Variants in OTOA observed in about 807,000 individuals in gnomAD.
OTOA encodes the protein cancer/testis antigen 108.
In OTOA, 70 loss-of-function variants were observed where a neutral mutation model predicts 110.8. That is an observed-to-expected ratio of 0.63 (90% CI 0.52 to 0.77). The LOEUF (loss-of-function observed/expected upper bound fraction) is 0.77, where lower values mean the gene tolerates loss of function less well. Among genes scored for constraint, OTOA ranks in the 30% least tolerant of loss-of-function variants. The pLI is 0.00. For missense variants in OTOA, 917 were observed against 1,075.8 expected (o/e 0.85, Z 2.06); for synonymous variants, 373 against 431.5 (o/e 0.86, Z 1.68).
chr16:21,715,418 C>T (rs1247248143), intron 14 of OTOA, among the ~76,000 whole-genome samples: 6 of 151,430 alleles, frequency 4.0e-5, no homozygotes, highest in African/African-American at 1.5e-4. Flanking sequence ...GTTTCCTGAT[C>T]TTATAACACT....
At chr16:21,683,775 T>A (rs927250766) in intron 6 of OTOA, among the ~76,000 whole-genome samples, 1 of 148,870 alleles carries the variant, frequency 6.7e-6, no homozygotes, top group African/African-American at 2.5e-5. Context: ...ATGAGTGATT[T>A]TTTTTTTTTT....
intron 1 of OTOA, among the ~76,000 whole-genome samples, chr16:21,673,371 T>C (rs926764671): frequency 5.3e-5 from 8 of 152,132 alleles, no homozygotes; most frequent in Non-Finnish European, 1.0e-4. Flanking sequence ...TTTCTTCAAT[T>C]TTGTGACATG....
chr16:21,673,477 C>T (rs1234310338), intron 1 of OTOA, among the ~76,000 whole-genome samples: 1 of 152,216 alleles, frequency 6.6e-6, no homozygotes, highest in Non-Finnish European at 1.5e-5. Context: ...TTATCTCCCT[C>T]TCCCCATGGC....
chr16:21,712,828 A>C (rs960785844), intron 13 of OTOA, among the ~76,000 whole-genome samples: 10 of 151,842 alleles, frequency 6.6e-5, no homozygotes, highest in Non-Finnish European at 1.3e-4. Flanking sequence ...ATGAAAACAA[A>C]AGCTTTTGAT....
intron 22 of OTOA, among the ~76,000 whole-genome samples, chr16:21,738,752 C>A (rs1219741883): frequency 6.6e-6 from 1 of 152,302 alleles, no homozygotes; most frequent in Non-Finnish European, 1.5e-5. Context: ...TGGGATGTGG[C>A]AGGCCAAAAC....
rs79230934 is a variant in OTOA, at chr16:21,709,439, A to G, written c.1105-449A>G. 1.2e-4 allele frequency among the ~76,000 whole-genome samples: 17 copies of G among 143,940 alleles called. No individual in the cohort carries two copies. In the South Asian group the frequency reaches 3.0e-3, roughly 26 times the overall value. The allele number at this position is 143,940 out of a possible 152,430, so 94.4% of individuals were successfully genotyped here. On this transcript the variant is annotated intron_variant, in intron 12 of 28. Coordinates refer to ENST00000646100, the MANE Select transcript of OTOA (RefSeq NM_144672.4). ...GACAAGAGCAAAACTCTGTCTTAAG[A>G]AAAAAAAAAAAGTTATTTTTACACA...
intron 21 of OTOA, among the ~76,000 whole-genome samples, chr16:21,733,532 T>C (rs1201969370): frequency 7.2e-5 from 11 of 151,786 alleles, no homozygotes; most frequent in African/African-American, 1.9e-4. Context: ...GGGAGCTACA[T>C]AGGCTGAGAG....
At chr16:21,691,713 C>A in intron 9 of OTOA, 26 bp downstream of exon 9, 1 of 1,578,192 alleles carries the variant, frequency 6.3e-7, no homozygotes, top group Non-Finnish European at 8.7e-7. Flanking sequence ...GAGGTGGGGT[C>A]ACTTTTTGGG....
intron 12 of OTOA, among the ~76,000 whole-genome samples, chr16:21,709,479 G>A (rs1315814420): frequency 6.6e-5 from 10 of 151,888 alleles, no homozygotes; most frequent in Admixed American, 5.9e-4. Flanking sequence ...ATAAATTATC[G>A]TGAAAAGGCC....
intron 9 of OTOA, among the ~76,000 whole-genome samples, chr16:21,697,351 G>T (rs1567373516): frequency 6.6e-6 from 1 of 152,142 alleles, no homozygotes; most frequent in Non-Finnish European, 1.5e-5. Flanking sequence ...AATTAATGTG[G>T]CTGGGCATGG....
chr16:21,710,095 C>T lies in OTOA; in HGVS notation c.1312C>T (p.His438Tyr), dbSNP rs1450102766. 6.2e-7 allele frequency: 1 copy of T among 1,612,388 alleles called. No homozygotes were observed. Among genetic ancestry groups the T allele is most frequent in the Non-Finnish European group, 8.5e-7 (1 of 1,179,278 alleles). ...VIILSAKYLA[H>Y]EKVLSFYNVS... Reference sequence around the variant, plus strand: ...CATCTTGTCTGCCAAATACTTGGCCCATGAGAAGGTCAGCTGGAGTTTTAA... The same window carrying T: ...CATCTTGTCTGCCAAATACTTGGCCTATGAGAAGGTCAGCTGGAGTTTTAA... The change falls in exon 13 of 29, where the codon CAT becomes TAT. Residue 438 changes from histidine (H) to tyrosine (Y), a missense_variant. Transcript: ENST00000646100.
intron 1 of OTOA, among the ~76,000 whole-genome samples, chr16:21,666,266 G>A (rs1197887538): frequency 8.5e-6 from 1 of 117,876 alleles, no homozygotes; most frequent in South Asian, 2.3e-4. Flanking sequence ...TTTTTTGGTG[G>A]AAAATCTCCC....
rs1329389547 is a variant in OTOA, at chr16:21,714,987, G to A, written c.1323G>A (p.Val441=). The part of the protein sequence containing the change: ...LSAKYLAHEK[V]LSFYNVSQMG... ...CTGCGCAGCCGCTCCTCTTCCAGGT[G>A]CTGTCTTTCTACAATGTCAGCCAGA... Residue 441 remains valine, a splice_region_variant and synonymous_variant, in exon 14 of 29, where the codon GTG becomes GTA. Coordinates refer to ENST00000646100, the MANE Select transcript of OTOA (RefSeq NM_144672.4). The A allele has an allele frequency of 1.9e-6, 3 of 1,614,042 alleles. No homozygotes were observed. Among genetic ancestry groups the A allele is most frequent in the Non-Finnish European group, 2.5e-6 (3 of 1,180,002 alleles).
At chr16:21,687,859 T>C (rs867608720) in intron 8 of OTOA, among the ~76,000 whole-genome samples, 5 of 151,890 alleles carry the variant, frequency 3.3e-5, no homozygotes, top group African/African-American at 9.7e-5. Context: ...AGATGGAGTT[T>C]CACCATGTTG....
At position 21,719,152 on chromosome 16, in the gene OTOA, T is replaced by G. The variant is rs772846065; in HGVS notation, c.1649T>G (p.Leu550Arg). The G allele has an allele frequency of 6.2e-7, 1 of 1,614,042 alleles. No homozygotes were observed. Among genetic ancestry groups the G allele is most frequent in the Non-Finnish European group, 8.5e-7 (1 of 1,180,018 alleles). Residue 550 changes from leucine (L) to arginine (R), a missense_variant, in exon 16 of 29, where the codon CTT (leucine) becomes CGT (arginine). Around this residue, in one of 6 missense-constraint regions of OTOA, gnomAD observed 840 missense variants for 910.2 expected, o/e 0.92. Transcript: ENST00000646100. ...GRSQALFLYE[L>R]LLKTTRRPEE... is the part of the protein sequence containing the mutation. ...TCGCAGGCTCTGTTCCTGTATGAGC[T>G]TCTGTTAAAGACCACCAGAAGGCCT...
At chr16:21,708,178 G>A (rs919841898) in intron 12 of OTOA, among the ~76,000 whole-genome samples, 4 of 152,154 alleles carry the variant, frequency 2.6e-5, no homozygotes, top group Non-Finnish European at 4.4e-5. Context: ...GGAGCTCTGA[G>A]CTTGTTTTCC....
chr16:21,704,027 G>A (rs1239775983), intron 11 of OTOA, among the ~76,000 whole-genome samples: 2 of 152,142 alleles, frequency 1.3e-5, no homozygotes, highest in Non-Finnish European at 2.9e-5. Flanking sequence ...TGTGTATAGC[G>A]GCCTCACAGA....
chr16:21,697,781 C>T lies in OTOA; in HGVS notation c.746C>T (p.Ser249Phe). Residue 249 changes from serine (S) to phenylalanine (F), a missense_variant, in exon 10 of 29, where the codon TCT becomes TTT. Around this residue, in one of 6 missense-constraint regions of OTOA, gnomAD observed 840 missense variants for 910.2 expected, o/e 0.92. Transcript: ENST00000646100. ...ATTTCTTTATTTTTTGTAGATGACT[C>T]TGCTTCATGGGTCAGTGCGGAACAC... The part of the protein sequence containing the change: ...LQTSSNATDD[S>F]ASWVSAEHLW... 6.2e-7 allele frequency: 1 copy of T among 1,613,914 alleles called. No individual in the cohort carries two copies. The highest frequency in any genetic ancestry group is 8.5e-7 in the Non-Finnish European group (1 of 1,179,924).
intron 17 of OTOA, among the ~76,000 whole-genome samples, chr16:21,720,556 A>G (rs1177038654): frequency 6.6e-6 from 1 of 152,186 alleles, no homozygotes; most frequent in Non-Finnish European, 1.5e-5. Flanking sequence ...CTCAAAGTTG[A>G]GCTTGCATCA....
Sources: allele counts gnomAD v4.1 joint callset (sites outside exome capture counted in the v4.1 genomes callset), GRCh38; gene constraint gnomAD v4.1.1; regional missense constraint gnomAD v4.1.1; transcripts MANE v1.5; gene names NCBI Gene and HGNC (gene_info 2026-07-23, HGNC 2026-07-21).